Variants in PTPRD observed in about 807,000 individuals in gnomAD.
PTPRD encodes the protein receptor-type tyrosine-protein phosphatase delta.
Under a neutral mutation model 214.5 loss-of-function variants are expected in PTPRD, and 34 were observed. That is an observed-to-expected ratio of 0.16 (90% CI 0.12 to 0.21). PTPRD has a LOEUF of 0.21. PTPRD is among the 10% of genes least tolerant of loss of function. The pLI, the probability that PTPRD is intolerant of heterozygous loss-of-function variation, is 1.00. For synonymous variants in PTPRD, 1,128 were observed against 845.7 expected, an observed-to-expected ratio of 1.33 and a Z score of -5.79; for missense variants, 2,545 against 2,398.7, an observed-to-expected ratio of 1.06 and a Z score of -1.27.
intron 8 of PTPRD, among the ~76,000 whole-genome samples, chr9:9,518,340 G>A (rs2096885194): frequency 6.6e-6 from 1 of 151,982 alleles, no homozygotes; most frequent in South Asian, 2.1e-4. Flanking sequence ...TTAGGCTACG[G>A]GAAGATTCTA....
In PTPRD at chr9:8,931,695, G is replaced by GAGTTAGGGAGC. The variant is rs1232071358; in HGVS notation, c.-104+87001_-104+87002insGCTCCCTAACT. On this transcript the variant is annotated intron_variant, in intron 11 of 45. Coordinates refer to ENST00000381196, the MANE Select transcript of PTPRD (RefSeq NM_002839.4). ...ATGTCTCATGAAATGAGTTAGGGAG[G>GAGTTAGGGAGC]AGTCTCTCTTTTTCTATTGTTTGGA... Among the ~76,000 whole-genome samples the GAGTTAGGGAGC allele has an allele frequency of 1.4e-3, 207 of 152,228 alleles. 1 individual carries two copies. Among genetic ancestry groups the GAGTTAGGGAGC allele is most frequent in the Non-Finnish European group, 1.8e-3 (122 of 68,022 alleles).
At chr9:9,679,891 A>G (rs139646560) in intron 7 of PTPRD, among the ~76,000 whole-genome samples, 38 of 152,062 alleles carry the variant, frequency 2.5e-4, no homozygotes, top group African/African-American at 9.1e-4. Flanking sequence ...ATAACAGCAC[A>G]TTGGAGTAAA....
At position 9,347,929 on chromosome 9, in the gene PTPRD, A is replaced by T. The variant is rs148210572; in HGVS notation, c.-203+49520T>A. ...ATGTCATTGCTTATGTCCTTTTCAG[A>T]CACATCATAGTGACATCAGTAGCCA... On this transcript the variant is annotated intron_variant, in intron 9 of 45. Coordinates refer to ENST00000381196, the MANE Select transcript of PTPRD (RefSeq NM_002839.4). Among the ~76,000 whole-genome samples, 3 of 152,286 alleles carry T rather than the reference A, an allele frequency of 2.0e-5. No individual in the cohort carries two copies. The East Asian group carries it at 5.8e-4, about 29-fold the overall frequency.
At chr9:9,847,912 C>A (rs1330284981) in intron 5 of PTPRD, among the ~76,000 whole-genome samples, 1 of 152,070 alleles carries the variant, frequency 6.6e-6, no homozygotes, top group Non-Finnish European at 1.5e-5. Context: ...AAAGGCAGAT[C>A]CACGTGATGA....
chr9:10,083,873 T>A (rs959477965), intron 3 of PTPRD, among the ~76,000 whole-genome samples: 3 of 151,974 alleles, frequency 2.0e-5, no homozygotes, highest in Admixed American at 2.0e-4. Context: ...GCTCAAGCAA[T>A]AATGCTCACC....
At chr9:10,459,222 A>G (rs1426891738) in intron 2 of PTPRD, among the ~76,000 whole-genome samples, 2 of 152,218 alleles carry the variant, frequency 1.3e-5, no homozygotes, top group Non-Finnish European at 2.9e-5. Flanking sequence ...TGCAAAAGAC[A>G]TGAACTTATC....
Position 8,614,712 on chromosome 9 carries a change from A to G in PTPRD, c.352+18605T>C, listed in dbSNP as rs560000490. On this transcript the variant is annotated intron_variant, in intron 14 of 45. Transcript: ENST00000381196. ...TCTTGGACCTTTAGACATGAGACAA[A>G]ATGACAAAATGAGACAAAAGACATG... Among the ~76,000 whole-genome samples, 33 of 152,280 alleles carry G rather than the reference A, an allele frequency of 2.2e-4. No homozygotes were observed. In the South Asian group the frequency reaches 6.8e-3, roughly 32 times the overall value.
At chr9:9,756,112 C>T (rs1283873111) in intron 6 of PTPRD, among the ~76,000 whole-genome samples, 4 of 152,010 alleles carry the variant, frequency 2.6e-5, no homozygotes, top group Non-Finnish European at 4.4e-5. Context: ...AAACTCCCTC[C>T]TTCTTTCAAC....
chr9:9,021,907 A>G (rs1393378191), intron 10 of PTPRD, among the ~76,000 whole-genome samples: 1 of 152,000 alleles, frequency 6.6e-6, no homozygotes, highest in Non-Finnish European at 1.5e-5. Flanking sequence ...CTAAAGTAAA[A>G]AATCTTAGCT....
intron 3 of PTPRD, among the ~76,000 whole-genome samples, chr9:10,130,809 A>G (rs1243837453): frequency 6.6e-6 from 1 of 152,146 alleles, no homozygotes; most frequent in Non-Finnish European, 1.5e-5. Context: ...CTCAGAGCCA[A>G]ATTGTACTTT....
At chr9:9,978,221 G>C (rs1347411394) in intron 4 of PTPRD, among the ~76,000 whole-genome samples, 1 of 152,046 alleles carries the variant, frequency 6.6e-6, no homozygotes, top group African/African-American at 2.4e-5. Context: ...AATAGAACTG[G>C]ACTCATAGAT....
chr9:8,599,613 CTTTTTT>C (rs1172437057), intron 14 of PTPRD, among the ~76,000 whole-genome samples: 26 of 53,440 alleles, frequency 4.9e-4, no homozygotes, highest in African/African-American at 1.7e-3. Flanking sequence ...CCCGCCCACC[CTTTTTT>C]TTTTTTTTTT....
chr9:9,376,854 T>A (rs1189569229), intron 9 of PTPRD, among the ~76,000 whole-genome samples: 4 of 152,056 alleles, frequency 2.6e-5, no homozygotes, highest in Admixed American at 2.6e-4. Flanking sequence ...AAAATATATA[T>A]CCTTTAGTAT....
At chr9:10,054,577 T>C (rs2097587343) in intron 3 of PTPRD, among the ~76,000 whole-genome samples, 1 of 152,076 alleles carries the variant, frequency 6.6e-6, no homozygotes. Context: ...CCCAGAAAGG[T>C]CTTTTTCAAG....
At chr9:10,277,050 T>C (rs902773503) in intron 3 of PTPRD, among the ~76,000 whole-genome samples, 4 of 152,200 alleles carry the variant, frequency 2.6e-5, no homozygotes, top group Non-Finnish European at 5.9e-5. Context: ...AGCAGAGGGC[T>C]ACCCCTCCAC....
Position 9,361,053 on chromosome 9 carries a change from C to T in PTPRD, c.-203+36396G>A, listed in dbSNP as rs986564597. Among the ~76,000 whole-genome samples, 5 of 151,028 alleles carry T rather than the reference C, an allele frequency of 3.3e-5. No individual in the cohort carries two copies. The South Asian group carries it at 6.2e-4, about 19-fold the overall frequency. ...CAGTCCTGAGGTTCTCAATATATTG[C>T]ATATAAAGGGATAATTTCCAGGAAG... On this transcript the variant is annotated intron_variant, in intron 9 of 45. Transcript: ENST00000381196.
chr9:8,358,900 G>T (rs1022143440), intron 39 of PTPRD, among the ~76,000 whole-genome samples: 3 of 151,420 alleles, frequency 2.0e-5, no homozygotes, highest in Non-Finnish European at 2.9e-5. Context: ...GAGGTCAGGA[G>T]ATCGAGACCA....
intron 11 of PTPRD, among the ~76,000 whole-genome samples, chr9:8,893,958 CAAGAA>C (rs1303931769): frequency 1.3e-5 from 2 of 151,650 alleles, no homozygotes; most frequent in Non-Finnish European, 2.9e-5. Flanking sequence ...AAAAAATAGA[CAAGAA>C]AAGATATACA....
intron 39 of PTPRD, among the ~76,000 whole-genome samples, chr9:8,353,251 G>C (rs1045950441): frequency 1.3e-5 from 2 of 152,146 alleles, no homozygotes; most frequent in South Asian, 2.1e-4. Context: ...AAGGCAGTGA[G>C]AATCTCACTC....
Sources: gnomAD v4.1 joint callset for allele counts (sites outside exome capture counted in the v4.1 genomes callset) on GRCh38, gnomAD v4.1.1 for gene constraint, MANE v1.5 for transcripts, NCBI Gene and HGNC (gene_info 2026-07-23, HGNC 2026-07-21) for gene names.